The following EPB41L2 variants were observed in gnomAD, a reference collection of about 807,000 sequenced individuals.
The protein encoded by EPB41L2 is band 4.1-like protein 2.
Under a neutral mutation model 113.0 loss-of-function variants are expected in EPB41L2, and 43 were observed. The observed-to-expected ratio is 0.38, with a 90% CI of 0.30 to 0.49. The LOEUF is 0.49. Among genes scored for constraint, EPB41L2 ranks in the 20% least tolerant of loss-of-function variants. The probability of loss-of-function intolerance (pLI) is 0.95; values close to 1 mark genes in which losing one functional copy is unlikely to be tolerated. For synonymous variants in EPB41L2, 442 were observed against 436.7 expected (o/e 1.01, Z -0.15); for missense variants, 1,147 against 1,223.4 (o/e 0.94, Z 0.93).
At position 130,901,103 on chromosome 6, in the gene EPB41L2, A is replaced by C. The variant is rs751964577; in HGVS notation, c.1007T>G (p.Leu336Arg). 1 of 1,614,082 alleles carries C rather than the reference A, an allele frequency of 6.2e-7. No homozygotes were observed. Among genetic ancestry groups the C allele is most frequent in the East Asian group, 2.2e-5 (1 of 44,876 alleles). The stretch of plus-strand genomic sequence containing the variant: ...TTCAGCCTGCAGGGTGTAGGATCCC[A>C]GGAGAGCATGAGTCACAAAAGAGCA... ...LPCSFVTHAL[L>R]GSYTLQAELG... The change falls in exon 7 of 20, where the codon CTG becomes CGG. Residue 336 changes from leucine (L) to arginine (R), a missense_variant. Coordinates refer to ENST00000337057, the MANE Select transcript of EPB41L2 (RefSeq NM_001431.4).
chr6:130,903,611 T>G (rs1336823629), intron 6 of EPB41L2, among the ~76,000 whole-genome samples: 2 of 152,126 alleles, frequency 1.3e-5, no homozygotes, highest in Non-Finnish European at 2.9e-5. Flanking sequence ...AGTCATGCAC[T>G]GCACACAGTT....
intron 14 of EPB41L2, among the ~76,000 whole-genome samples, chr6:130,877,356 A>G (rs1172306819): frequency 1.3e-5 from 2 of 152,220 alleles, no homozygotes; most frequent in Non-Finnish European, 2.9e-5. Flanking sequence ...CTCAAGTATG[A>G]TAAACGAGCC....
chr6:130,977,341 C>T (rs6922177), intron 1 of EPB41L2, among the ~76,000 whole-genome samples: 70,497 of 151,886 alleles, frequency 0.46, 18,037 homozygotes, highest in East Asian at 0.92. Flanking sequence ...AATCTAAGGC[C>T]CAGCAGTTAG....
At chr6:131,016,350 C>G (rs1426850474) in intron 1 of EPB41L2, among the ~76,000 whole-genome samples, 2 of 152,084 alleles carry the variant, frequency 1.3e-5, no homozygotes, top group African/African-American at 4.8e-5. Flanking sequence ...ACACTAGAAA[C>G]AGCATTGAAT....
intron 1 of EPB41L2, among the ~76,000 whole-genome samples, chr6:131,010,070 A>G (rs1786551788): frequency 6.6e-6 from 1 of 152,252 alleles, no homozygotes; most frequent in African/African-American, 2.4e-5. Context: ...AATTATCTCT[A>G]GATTGAATTC....
At chr6:130,993,049 A>G (rs1277623077) in intron 1 of EPB41L2, among the ~76,000 whole-genome samples, 2 of 152,232 alleles carry the variant, frequency 1.3e-5, no homozygotes, top group Non-Finnish European at 2.9e-5. Context: ...ATAATAAGGA[A>G]AAACAAATAC....
intron 19 of EPB41L2, among the ~76,000 whole-genome samples, chr6:130,848,715 AG>A (rs1777863429): frequency 6.6e-6 from 1 of 152,200 alleles, no homozygotes; most frequent in Non-Finnish European, 1.5e-5. Context: ...TCGTAAGGAC[AG>A]GAGTATCTTT....
At chr6:130,982,527 A>C (rs959571576) in intron 1 of EPB41L2, among the ~76,000 whole-genome samples, 4 of 152,230 alleles carry the variant, frequency 2.6e-5, no homozygotes, top group Non-Finnish European at 5.9e-5. Context: ...GAAATAAAGT[A>C]ATGACCAACA....
chr6:130,916,434 A>T (rs757798551), intron 4 of EPB41L2, among the ~76,000 whole-genome samples: 1 of 152,218 alleles, frequency 6.6e-6, no homozygotes, highest in African/African-American at 2.4e-5. Context: ...TAGGGGGAAA[A>T]AAAAAGCTTA....
At chr6:130,899,138 G>A (rs1320489333) in intron 8 of EPB41L2, among the ~76,000 whole-genome samples, 1 of 152,090 alleles carries the variant, frequency 6.6e-6, no homozygotes, top group African/African-American at 2.4e-5. Flanking sequence ...CCAAGACAGA[G>A]GTGGGAGAGG....
At chr6:131,013,608 T>C (rs1235238164) in intron 1 of EPB41L2, 1 of 152,194 alleles carries the variant, frequency 6.6e-6, no homozygotes, top group Non-Finnish European at 1.5e-5. Context: ...CTCACAGAAG[T>C]TGTTTTCCAG....
intron 1 of EPB41L2, among the ~76,000 whole-genome samples, chr6:131,059,624 A>G (rs1798290091): frequency 6.6e-6 from 1 of 152,212 alleles, no homozygotes; most frequent in Non-Finnish European, 1.5e-5. Context: ...TCGCATACAA[A>G]TCTTCTATTT....
intron 19 of EPB41L2, among the ~76,000 whole-genome samples, chr6:130,844,319 T>C (rs1776353095): frequency 6.6e-6 from 1 of 152,084 alleles, no homozygotes; most frequent in Non-Finnish European, 1.5e-5. Context: ...TCCCAGCATT[T>C]TGGGAGGCTG....
intron 13 of EPB41L2, chr6:130,878,580 T>C (rs1233622391): frequency 4.9e-6 from 1 of 202,748 alleles, no homozygotes; most frequent in Non-Finnish European, 9.9e-6. Flanking sequence ...AAATGGCTAA[T>C]AACACTTCCT....
In EPB41L2 at chr6:130,964,182, C is replaced by T. The variant is rs1034833909; in HGVS notation, c.-14-7683G>A. 2.2e-4 allele frequency among the ~76,000 whole-genome samples: 34 copies of T among 152,108 alleles called. 1 individual carries two copies. The East Asian group carries it at 4.6e-3, about 21-fold the overall frequency. On this transcript the variant is annotated intron_variant, in intron 1 of 19. Transcript: ENST00000337057. ...GATTACAGGTGCATGCCACCATGCC[C>T]GGCTAATTTTTGTATTTTTAGTAGA... is the stretch of plus-strand genomic sequence containing the variant.
chr6:131,056,833 C>G (rs948029437), intron 1 of EPB41L2, among the ~76,000 whole-genome samples: 8 of 152,200 alleles, frequency 5.3e-5, no homozygotes, highest in African/African-American at 1.7e-4. Context: ...ATAGAGTGGA[C>G]ATGTTACTGA....
At chr6:131,006,399 C>T (rs978534154) in intron 1 of EPB41L2, among the ~76,000 whole-genome samples, 3 of 151,238 alleles carry the variant, frequency 2.0e-5, no homozygotes, top group East Asian at 2.0e-4. Flanking sequence ...CGGTGGCTCA[C>T]GCCTGTAATC....
intron 1 of EPB41L2, among the ~76,000 whole-genome samples, chr6:130,972,411 A>G (rs1777063569): frequency 6.6e-6 from 1 of 152,060 alleles, no homozygotes; most frequent in South Asian, 2.1e-4. Flanking sequence ...AGAAATATGG[A>G]AGCAACATAA....
rs138631453 is a variant in EPB41L2, at chr6:130,966,702, T to C, written c.-14-10203A>G. On this transcript the variant is annotated intron_variant, in intron 1 of 19. Coordinates refer to ENST00000337057, the MANE Select transcript of EPB41L2 (RefSeq NM_001431.4). ...CATAAACTTAAACACTTAAGTACTT[T>C]ACTAGGAGAACAATATTTATGCATT... Among the ~76,000 whole-genome samples, 18 of 152,250 alleles carry C rather than the reference T, an allele frequency of 1.2e-4. No homozygotes were observed. The East Asian group carries it at 3.5e-3, about 29-fold the overall frequency.
Sources: allele counts gnomAD v4.1 joint callset (sites outside exome capture counted in the v4.1 genomes callset), GRCh38; gene constraint gnomAD v4.1.1; transcripts MANE v1.5; gene names NCBI Gene and HGNC (gene_info 2026-07-23, HGNC 2026-07-21).